The following DNAAF6 variants were observed in gnomAD, a reference collection of about 807,000 sequenced individuals.
The protein encoded by DNAAF6 is dynein axonemal assembly factor 6.
A neutral mutation model predicts 13.7 loss-of-function variants in DNAAF6; 3 were observed. That is an observed-to-expected ratio of 0.22 (90% CI 0.10 to 0.56). The LOEUF is 0.56. DNAAF6 is among the 20% of genes least tolerant of loss of function. DNAAF6 has a pLI of 0.92. For synonymous variants in DNAAF6, 54 were observed against 49.2 expected, an observed-to-expected ratio of 1.10 and a Z score of -0.41; for missense variants, 130 against 151.0, an observed-to-expected ratio of 0.86 and a Z score of 0.73.
chrX:107,216,820 AC>A, intron 3 of DNAAF6, 77 bp downstream of exon 3: 1 of 653,069 alleles, frequency 1.5e-6, no homozygotes, highest in Non-Finnish European at 2.3e-6. Flanking sequence ...AGTAATAAGT[AC>A]TAATACTAGT....
intron 3 of DNAAF6, among the ~76,000 whole-genome samples, chrX:107,217,345 A>C (rs1928017767): frequency 9.0e-6 from 1 of 111,611 alleles, no homozygotes; most frequent in Non-Finnish European, 1.9e-5. Flanking sequence ...CATGGAATTC[A>C]TTCATTGAAT....
chrX:107,222,958 A>G lies in DNAAF6; in HGVS notation c.429+117A>G, dbSNP rs139957631. The G allele has an allele frequency of 3.5e-3, 3,251 of 939,307 alleles. 80 individuals are homozygous for G. In the African/African-American group the frequency reaches 0.056, roughly 16 times the overall value. The allele number at this position is 939,307 out of a possible 1,213,427, so 77.4% of individuals were successfully genotyped here. ...AAACTCTTTAAAAATCGTGGTTGCT[A>G]TGTTTCACGTACTAGGGTAACAATG... On this transcript the variant is annotated intron_variant, in intron 5 of 6. Coordinates refer to ENST00000372453, the MANE Select transcript of DNAAF6 (RefSeq NM_173494.2).
intron 2 of DNAAF6, among the ~76,000 whole-genome samples, chrX:107,215,529 A>G (rs1055275598): frequency 8.9e-6 from 1 of 112,277 alleles, no homozygotes; most frequent in Non-Finnish European, 1.9e-5. Flanking sequence ...CCGCAGACAT[A>G]GCACTTTTGA....
chrX:107,222,577 C>T (rs187004095), intron 4 of DNAAF6, among the ~76,000 whole-genome samples, 168 bp from the exon 5 acceptor site: 219 of 111,767 alleles, frequency 2.0e-3, no homozygotes, highest in Middle Eastern at 4.6e-3. Context: ...CATTTCTAGA[C>T]TTCTTTTCCT....
At chrX:107,238,884 C>T in intron 5 of DNAAF6, 38 bp from the exon 6 acceptor site, 1 of 1,201,767 alleles carries the variant, frequency 8.3e-7, no homozygotes, top group Non-Finnish European at 1.1e-6. Context: ...AATTGCTCTC[C>T]AAGATATCAC....
rs7883733 is a variant in DNAAF6, at chrX:107,239,152, C to T, written c.515+145C>T. The T allele has an allele frequency of 0.012, 10,398 of 902,498 alleles. 710 individuals carry two copies. The African/African-American group carries it at 0.2, about 17-fold the overall frequency. The allele number at this position is 902,498 out of a possible 1,213,427, so 74.4% of individuals were successfully genotyped here. ...ATTTTGTATTCAGATGTTTGATCTACATTAATATAAACATAAATATGTTTG... is the reference window on the plus strand; with the variant it reads ...ATTTTGTATTCAGATGTTTGATCTATATTAATATAAACATAAATATGTTTG... On this transcript the variant is annotated intron_variant, in intron 6 of 6. Transcript: ENST00000372453.
chrX:107,211,638 G>A (rs1433189876), intron 1 of DNAAF6, among the ~76,000 whole-genome samples: 1 of 112,059 alleles, frequency 8.9e-6, no homozygotes, highest in Non-Finnish European at 1.9e-5. Flanking sequence ...CACTTTAGGA[G>A]ACTAATCTAT....
At chrX:107,233,012 G>A (rs1928442198) in intron 5 of DNAAF6, among the ~76,000 whole-genome samples, 1 of 111,413 alleles carries the variant, frequency 9.0e-6, no homozygotes, top group Non-Finnish European at 1.9e-5. Context: ...AAAGCACTGA[G>A]ATTATAGGTG....
At position 107,216,084 on chromosome X, in the gene DNAAF6, C is replaced by T. The variant is rs1172302745; in HGVS notation, c.154-587C>T. On this transcript the variant is annotated intron_variant, in intron 2 of 6. Coordinates refer to ENST00000372453, the MANE Select transcript of DNAAF6 (RefSeq NM_173494.2). ...GAAGTACATCAGCATGTATTAGAGACTATTAATTTGTGGTTGCTGTTTAAA... is the reference window on the plus strand; with the variant it reads ...GAAGTACATCAGCATGTATTAGAGATTATTAATTTGTGGTTGCTGTTTAAA... Among the ~76,000 whole-genome samples, 6 of 111,387 alleles carry T rather than the reference C, an allele frequency of 5.4e-5. No homozygotes were observed. In the Admixed American group the frequency reaches 5.8e-4, roughly 11 times the overall value.
chrX:107,239,337 C>T (rs1233024931), intron 6 of DNAAF6, among the ~76,000 whole-genome samples: 1 of 111,719 alleles, frequency 9.0e-6, no homozygotes, highest in Non-Finnish European at 1.9e-5. Context: ...GGTTTTTGTA[C>T]ATTGATTACA....
chrX:107,229,832 C>T (rs777306795), intron 5 of DNAAF6, among the ~76,000 whole-genome samples: 1 of 110,276 alleles, frequency 9.1e-6, no homozygotes, highest in Non-Finnish European at 1.9e-5. Flanking sequence ...GGACTACAGG[C>T]GCCCCCCACC....
rs1057155926 is a variant in DNAAF6 at position 107,240,231 on chromosome X, G to T, written c.515+1224G>T. ...AAGTACTTTCCCACATAGAACATGG[G>T]CTATACACTAGGTCCTTTGGATCAT... On this transcript the variant is annotated intron_variant, in intron 6 of 6. Transcript: ENST00000372453. Among the ~76,000 whole-genome samples, 7 of 111,925 alleles carry T rather than the reference G, an allele frequency of 6.3e-5. No homozygotes were observed. In the East Asian group the frequency reaches 2.0e-3, roughly 31 times the overall value.
chrX:107,229,632 C>A (rs1928339027), intron 5 of DNAAF6, among the ~76,000 whole-genome samples: 1 of 110,023 alleles, frequency 9.1e-6, no homozygotes, highest in Non-Finnish European at 1.9e-5. Flanking sequence ...TCTCTTTTCA[C>A]CTAGTCTCAT....
intron 2 of DNAAF6, among the ~76,000 whole-genome samples, chrX:107,215,582 G>A (rs1231696371): frequency 8.9e-6 from 1 of 111,936 alleles, no homozygotes; most frequent in Non-Finnish European, 1.9e-5. Flanking sequence ...AGACACTGTT[G>A]AGAGATTATA....
chrX:107,243,154 G>A lies in DNAAF6; in HGVS notation c.516-15G>A, dbSNP rs1298901909. On this transcript the variant is annotated splice_polypyrimidine_tract_variant and intron_variant, in intron 6 of 6. Transcript: ENST00000372453. The stretch of plus-strand genomic sequence containing the variant: ...TTTTAGGAAGCTAAGGTTTTATTTT[G>A]TTGTTTTTTTTTAGGAAGCTGTTGA... 6.7e-6 allele frequency: 8 copies of A among 1,190,233 alleles called. No individual in the cohort carries two copies. The highest frequency in any genetic ancestry group is 9.0e-6 in the Non-Finnish European group (8 of 888,256).
At chrX:107,235,932 GC>G in intron 5 of DNAAF6, among the ~76,000 whole-genome samples, 1 of 108,325 alleles carries the variant, frequency 9.2e-6, no homozygotes. Flanking sequence ...TTTGAGACCA[GC>G]CCGAGCAATA....
chrX:107,243,190 T>C lies in DNAAF6; in HGVS notation c.537T>C (p.Pro179=). 4 of 1,206,095 alleles carry C rather than the reference T, an allele frequency of 3.3e-6. No homozygotes were observed. The South Asian group carries it at 7.2e-5, about 22-fold the overall frequency. Residue 179 remains proline, a synonymous_variant, in exon 7 of 7, where the codon CCT becomes CCC. Coordinates refer to ENST00000372453, the MANE Select transcript of DNAAF6 (RefSeq NM_173494.2). ...TTAGGAAGCTGTTGATAACTCTTCC[T>C]GAGCTGGTGGAATGTACCAGTGCCA... is the stretch of plus-strand genomic sequence containing the variant. ...TPQKKLLITL[P]ELVECTSAKA... is the part of the protein sequence containing the mutation.
At chrX:107,225,267 TCA>T (rs777690206) in intron 5 of DNAAF6, among the ~76,000 whole-genome samples, 2 of 110,996 alleles carry the variant, frequency 1.8e-5, no homozygotes, top group Non-Finnish European at 1.9e-5. Context: ...CTGACAAGAC[TCA>T]GAGTAAATAG....
intron 6 of DNAAF6, among the ~76,000 whole-genome samples, chrX:107,241,020 A>G (rs1460574984): frequency 1.8e-5 from 2 of 112,134 alleles, no homozygotes; most frequent in Non-Finnish European, 3.8e-5. Flanking sequence ...GTTGAGTTGC[A>G]GCTCAGTAGC....
Sources: allele counts gnomAD v4.1 joint callset (sites outside exome capture counted in the v4.1 genomes callset), GRCh38; gene constraint gnomAD v4.1.1; transcripts MANE v1.5; gene names NCBI Gene and HGNC (gene_info 2026-07-23, HGNC 2026-07-21).